The following ZNF185 variants were observed in gnomAD, a reference collection of about 807,000 sequenced individuals.
ZNF185 encodes the protein zinc finger protein 185.
A neutral mutation model predicts 58.6 loss-of-function variants in ZNF185; 56 were observed. The observed-to-expected ratio is 0.95, with a 90% CI of 0.77 to 1.19. The LOEUF (loss-of-function observed/expected upper bound fraction) is 1.19. ZNF185 is among the 50% of genes most tolerant of loss of function. The pLI, the probability that ZNF185 is intolerant of heterozygous loss-of-function variation, is 0.00. For missense variants in ZNF185, 627 were observed against 573.5 expected, an observed-to-expected ratio of 1.09 and a Z score of -0.95; for synonymous variants, 230 against 215.9, an observed-to-expected ratio of 1.07 and a Z score of -0.57.
chrX:152,913,635 G>T (rs1367862519), upstream of ZNF185, among the ~76,000 whole-genome samples: 1 of 112,458 alleles, frequency 8.9e-6, no homozygotes, highest in Non-Finnish European at 1.9e-5. Flanking sequence ...TTCCCTGAGG[G>T]CCACTAGGAT....
At chrX:152,942,980 A>T (rs2047400152) in intron 15 of ZNF185, among the ~76,000 whole-genome samples, 1 of 111,845 alleles carries the variant, frequency 8.9e-6, no homozygotes, top group South Asian at 3.7e-4. Flanking sequence ...ATGTATATGT[A>T]TATCATATAT....
intron 15 of ZNF185, chrX:152,941,566 A>G (rs2047185839): frequency 3.0e-6 from 3 of 1,002,918 alleles, no homozygotes; most frequent in Admixed American, 8.3e-5. Context: ...CGCGCTCGCC[A>G]CCAGCGTACG....
At chrX:152,951,740 A>G (rs1197628611) in intron 16 of ZNF185, among the ~76,000 whole-genome samples, 2 of 112,065 alleles carry the variant, frequency 1.8e-5, no homozygotes, top group Non-Finnish European at 3.8e-5. Context: ...TAGTTGTTAT[A>G]TACTTTTTAT....
At chrX:152,961,121 C>T (rs2049419162) in intron 17 of ZNF185, among the ~76,000 whole-genome samples, 1 of 112,251 alleles carries the variant, frequency 8.9e-6, no homozygotes, top group Non-Finnish European at 1.9e-5. Context: ...TCTGTGCTCT[C>T]TCTGTCTCCC....
chrX:152,930,701 G>A lies in ZNF185; in HGVS notation c.918-971G>A, dbSNP rs370441837. Among the ~76,000 whole-genome samples the A allele has an allele frequency of 3.0e-4, 33 of 111,671 alleles. No individual in the cohort carries two copies. In the East Asian group the frequency reaches 4.2e-3, roughly 14 times the overall value. On this transcript the variant is annotated intron_variant, in intron 12 of 22. Transcript: ENST00000449285. The stretch of plus-strand genomic sequence containing the variant: ...AAGTGGTGGAGCACGCCAAAGGGAG[G>A]AGAAAAAGGCGGAGACCAGGAAGGT...
the ZNF185 span, among the ~76,000 whole-genome samples, chrX:152,903,388 C>CAAAA: frequency 3.3e-4 from 12 of 35,853 alleles, no homozygotes; most frequent in African/African-American, 1.2e-3. Flanking sequence ...AGACTCGTCT[C>CAAAA]AAAAAAAAAA....
intron 11 of ZNF185, among the ~76,000 whole-genome samples, chrX:152,928,033 G>C (rs1941201321): frequency 8.9e-6 from 1 of 112,516 alleles, no homozygotes; most frequent in Non-Finnish European, 1.9e-5. Context: ...ATGTGTGTCC[G>C]GGGTGGCCTG....
chrX:152,919,104 G>A, intron 7 of ZNF185, 23 bp downstream of exon 8: 1 of 1,135,432 alleles, frequency 8.8e-7, no homozygotes, highest in African/African-American at 1.8e-5. Context: ...TGCCTTTTGG[G>A]CATCCCGGGG....
chrX:152,929,581 A>C, intron 12 of ZNF185, among the ~76,000 whole-genome samples: 1 of 111,118 alleles, frequency 9.0e-6, no homozygotes, highest in Non-Finnish European at 1.9e-5. Flanking sequence ...GGCTCCTCCC[A>C]CTTTAATTCT....
At chrX:152,954,682 T>C (rs2125856805) in intron 16 of ZNF185, among the ~76,000 whole-genome samples, 1 of 112,366 alleles carries the variant, frequency 8.9e-6, no homozygotes, top group East Asian at 2.8e-4. Flanking sequence ...CCTGTGTTGT[T>C]CATCTCAAAA....
At chrX:152,908,802 C>T in the ZNF185 span, among the ~76,000 whole-genome samples, 4 of 113,377 alleles carry the variant, frequency 3.5e-5, no homozygotes, top group Non-Finnish European at 5.6e-5. Context: ...GACACGGGCC[C>T]ACTCCTGGCT....
intron 16 of ZNF185, among the ~76,000 whole-genome samples, chrX:152,957,136 C>T (rs1556905573): frequency 9.4e-6 from 1 of 106,542 alleles, no homozygotes; most frequent in Non-Finnish European, 1.9e-5. Flanking sequence ...GGCATGATCT[C>T]GGCTCACTGC....
intron 15 of ZNF185, 125 bp downstream of exon 17, chrX:152,938,288 G>C: frequency 1.6e-6 from 1 of 635,381 alleles, no homozygotes. Context: ...GAGGCACATA[G>C]CAAGGGCAGA....
the ZNF185 span, among the ~76,000 whole-genome samples, chrX:152,898,219 G>A: frequency 9.0e-6 from 1 of 111,004 alleles, no homozygotes; most frequent in African/African-American, 3.2e-5. Context: ...CCCGCCCCAC[G>A]AGCCGGGCAC....
At chrX:152,903,662 C>T in the ZNF185 span, among the ~76,000 whole-genome samples, 2 of 111,600 alleles carry the variant, frequency 1.8e-5, no homozygotes, top group African/African-American at 6.5e-5. Context: ...CTGCCCAGCC[C>T]TCTGTTCTCC....
At chrX:152,964,251 C>T (rs782411886) in intron 18 of ZNF185, among the ~76,000 whole-genome samples, 1 of 112,986 alleles carries the variant, frequency 8.9e-6, no homozygotes, top group South Asian at 3.6e-4. Flanking sequence ...AAGCCAGCTC[C>T]AGTCCGTGAA....
intron 16 of ZNF185, among the ~76,000 whole-genome samples, 194 bp downstream of exon 18, chrX:152,945,658 G>A (rs1047601121): frequency 2.7e-5 from 3 of 111,812 alleles, no homozygotes; most frequent in Admixed American, 9.5e-5. Context: ...TGTGGCTCAA[G>A]GAGCTGGGAG....
chrX:152,958,153 G>C (rs782467989), intron 16 of ZNF185, among the ~76,000 whole-genome samples: 4 of 112,192 alleles, frequency 3.6e-5, no homozygotes, highest in Non-Finnish European at 7.5e-5. Context: ...TGCCTCCCGG[G>C]CGTAATGTGT....
chrX:152,907,210 G>C, the ZNF185 span, among the ~76,000 whole-genome samples: 3 of 112,226 alleles, frequency 2.7e-5, no homozygotes, highest in Non-Finnish European at 5.6e-5. Context: ...GTCATTGCCT[G>C]CTGCCGCCCC....
Sources: gnomAD v4.1 joint callset for allele counts (sites outside exome capture counted in the v4.1 genomes callset) on GRCh38, gnomAD v4.1.1 for gene constraint, MANE v1.5 for transcripts, NCBI Gene and HGNC (gene_info 2026-07-23, HGNC 2026-07-21) for gene names.